Variants in GOLPH3 observed in about 807,000 individuals in gnomAD.
The protein encoded by GOLPH3 is golgi phosphoprotein 3.
Under a neutral mutation model 28.5 loss-of-function variants are expected in GOLPH3, and 14 were observed. That is an observed-to-expected ratio of 0.49 (90% CI 0.32 to 0.77). GOLPH3 has a LOEUF of 0.77. Ranked by LOEUF, GOLPH3 falls within the 30% of genes least tolerant of loss-of-function variation. The probability of loss-of-function intolerance (pLI) is 0.03; values close to 1 mark genes in which losing one functional copy is unlikely to be tolerated. For synonymous variants in GOLPH3, 158 were observed against 159.2 expected, an observed-to-expected ratio of 0.99 and a Z score of 0.06; for missense variants, 350 against 393.7, an observed-to-expected ratio of 0.89 and a Z score of 0.94.
chr5:32,166,146 T>C (rs770493355), intron 1 of GOLPH3, among the ~76,000 whole-genome samples: 1 of 152,194 alleles, frequency 6.6e-6, no homozygotes, highest in Non-Finnish European at 1.5e-5. Flanking sequence ...AACTTCTCCA[T>C]TAAAGGAATA....
At chr5:32,166,252 T>C (rs1305513079) in intron 1 of GOLPH3, among the ~76,000 whole-genome samples, 1 of 152,242 alleles carries the variant, frequency 6.6e-6, no homozygotes, top group Non-Finnish European at 1.5e-5. Flanking sequence ...AACATCCTTG[T>C]TGGCAATACA....
intron 1 of GOLPH3, among the ~76,000 whole-genome samples, chr5:32,161,386 A>C (rs1746572950): frequency 6.8e-6 from 1 of 147,008 alleles, no homozygotes; most frequent in African/African-American, 2.6e-5. Context: ...CCTGGGTGAC[A>C]GAGCATACCT....
Position 32,150,299 on chromosome 5 carries a change from T to C in GOLPH3, c.226-6419A>G, listed in dbSNP as rs532836356. Among the ~76,000 whole-genome samples the C allele has an allele frequency of 2.6e-5, 4 of 152,128 alleles. No individual in the cohort carries two copies. In the East Asian group the frequency reaches 7.7e-4, roughly 29 times the overall value. ...ACTTGAATAATAGAAAGATATTTCA[T>C]TCTTATATACAAAGTCTCAGCATTA... is the stretch of plus-strand genomic sequence containing the variant. On this transcript the variant is annotated intron_variant, in intron 1 of 3. Coordinates refer to ENST00000265070, the MANE Select transcript of GOLPH3 (RefSeq NM_022130.4).
chr5:32,130,225 T>C (rs1046411892), intron 3 of GOLPH3, among the ~76,000 whole-genome samples: 5 of 152,200 alleles, frequency 3.3e-5, no homozygotes, highest in Non-Finnish European at 7.3e-5. Context: ...GTTTTGCTTT[T>C]TCTAATGTCA....
intron 1 of GOLPH3, among the ~76,000 whole-genome samples, chr5:32,157,796 A>G (rs1039382040): frequency 4.0e-5 from 6 of 151,878 alleles, no homozygotes; most frequent in Non-Finnish European, 8.8e-5. Context: ...TGACCAATAT[A>G]GTGAAACCCC....
chr5:32,167,571 T>C (rs1217584646), intron 1 of GOLPH3, among the ~76,000 whole-genome samples: 2 of 152,308 alleles, frequency 1.3e-5, no homozygotes. Flanking sequence ...ACTTATGAGA[T>C]GAGTTAGTGA....
In GOLPH3 at chr5:32,126,343, G is replaced by A. The variant is rs1384816780; in HGVS notation, c.766C>T (p.Leu256Phe). 10 of 1,614,182 alleles carry A rather than the reference G, an allele frequency of 6.2e-6. No homozygotes were observed. Among genetic ancestry groups the A allele is most frequent in the South Asian group, 2.2e-5 (2 of 91,080 alleles). Residue 256 changes from leucine to phenylalanine, a missense_variant, in exon 4 of 4, where the codon CTT becomes TTT. Transcript: ENST00000265070. ...GCCAAATCATACTGCTCGTCCAGAAGAGGAGCAAAAGCATTCTCCAGGACG... is the reference window on the plus strand; with the variant it reads ...GCCAAATCATACTGCTCGTCCAGAAAAGGAGCAAAAGCATTCTCCAGGACG... ...SDVLENAFAP[L>F]LDEQYDLATK...
intron 1 of GOLPH3, among the ~76,000 whole-genome samples, chr5:32,155,061 T>C (rs1044200967): frequency 5.9e-5 from 8 of 135,552 alleles, no homozygotes; most frequent in Admixed American, 4.3e-4. Context: ...ATCGCACCAC[T>C]GCAATCCCGC....
At chr5:32,168,448 C>T (rs1411242094) in intron 1 of GOLPH3, among the ~76,000 whole-genome samples, 1 of 152,156 alleles carries the variant, frequency 6.6e-6, no homozygotes, top group African/African-American at 2.4e-5. Context: ...CAAGTACCTA[C>T]TTATTTTTCA....
intron 1 of GOLPH3, among the ~76,000 whole-genome samples, chr5:32,167,041 T>A (rs954000580): frequency 6.6e-6 from 1 of 152,118 alleles, no homozygotes; most frequent in East Asian, 1.9e-4. Context: ...ACAAGCATAA[T>A]GCCTGATGCC....
At chr5:32,155,481 T>C (rs1433351141) in intron 1 of GOLPH3, among the ~76,000 whole-genome samples, 1 of 152,192 alleles carries the variant, frequency 6.6e-6, no homozygotes, top group Non-Finnish European at 1.5e-5. Context: ...TAATCCTGGA[T>C]TGTACTGTTT....
intron 1 of GOLPH3, among the ~76,000 whole-genome samples, chr5:32,149,897 T>C (rs1384146935): frequency 1.3e-5 from 2 of 151,610 alleles, no homozygotes; most frequent in Non-Finnish European, 2.9e-5. Flanking sequence ...CTCGGGAGGC[T>C]GAGGCAGGAG....
chr5:32,127,128 C>A (rs192673184), intron 3 of GOLPH3, among the ~76,000 whole-genome samples: 8 of 152,282 alleles, frequency 5.3e-5, no homozygotes, highest in African/African-American at 1.9e-4. Flanking sequence ...CAATATAAAG[C>A]TAATTCTGGA....
At chr5:32,142,015 C>G (rs866695731) in intron 2 of GOLPH3, among the ~76,000 whole-genome samples, 1 of 152,198 alleles carries the variant, frequency 6.6e-6, no homozygotes, top group African/African-American at 2.4e-5. Context: ...CAGCCTCTGC[C>G]CGGCCGCCAC....
chr5:32,149,378 T>C (rs1354596850), intron 1 of GOLPH3, among the ~76,000 whole-genome samples: 1 of 152,178 alleles, frequency 6.6e-6, no homozygotes, highest in Non-Finnish European at 1.5e-5. Context: ...GGAGAGGTAA[T>C]GGCTAAAGGG....
At chr5:32,131,836 A>T (rs1180549422) in intron 3 of GOLPH3, among the ~76,000 whole-genome samples, 2 of 152,220 alleles carry the variant, frequency 1.3e-5, no homozygotes, top group Non-Finnish European at 2.9e-5. Flanking sequence ...CCTTGACATC[A>T]TCTTACAAAA....
chr5:32,130,978 G>A (rs1745813836), intron 3 of GOLPH3, among the ~76,000 whole-genome samples: 1 of 152,170 alleles, frequency 6.6e-6, no homozygotes, highest in Non-Finnish European at 1.5e-5. Flanking sequence ...AATTAGAAGA[G>A]CCTAAACACA....
At chr5:32,142,751 G>A (rs1241809974) in intron 2 of GOLPH3, among the ~76,000 whole-genome samples, 8 of 143,708 alleles carry the variant, frequency 5.6e-5, no homozygotes, top group African/African-American at 2.1e-4. Flanking sequence ...GGTGAGGGGC[G>A]CCTCTGCCCG....
chr5:32,142,507 G>A (rs1296947051), intron 2 of GOLPH3, among the ~76,000 whole-genome samples: 10 of 147,134 alleles, frequency 6.8e-5, no homozygotes, highest in East Asian at 6.3e-4. Flanking sequence ...CAGCCGCCCC[G>A]TCCGGGAGGT....
Sources: gnomAD v4.1 joint callset for allele counts (sites outside exome capture counted in the v4.1 genomes callset) on GRCh38, gnomAD v4.1.1 for gene constraint, MANE v1.5 for transcripts, NCBI Gene and HGNC (gene_info 2026-07-23, HGNC 2026-07-21) for gene names.